Variants in MAMDC2 observed in about 807,000 individuals in gnomAD.
The protein encoded by MAMDC2 is MAM domain-containing protein 2.
Under a neutral mutation model 89.8 loss-of-function variants are expected in MAMDC2, and 57 were observed. The ratio of observed to expected loss-of-function variants is 0.63; its 90% CI spans 0.51 to 0.79. The LOEUF (loss-of-function observed/expected upper bound fraction) is 0.79, where lower values mean the gene tolerates loss of function less well. Ranked by LOEUF, MAMDC2 falls within the 30% of genes least tolerant of loss-of-function variation. MAMDC2 has a pLI of 0.00. For missense variants in MAMDC2, 800 were observed against 820.6 expected (o/e 0.97, Z 0.31); for synonymous variants, 313 against 293.4 (o/e 1.07, Z -0.68).
At chr9:70,179,863 T>C (rs2032598171) in intron 11 of MAMDC2, among the ~76,000 whole-genome samples, 1 of 114,214 alleles carries the variant, frequency 8.8e-6, no homozygotes, top group African/African-American at 3.1e-5. Flanking sequence ...GATAAATGGA[T>C]AAAATATTCC....
At chr9:70,067,752 T>C (rs1396268177) in intron 2 of MAMDC2, among the ~76,000 whole-genome samples, 1 of 152,188 alleles carries the variant, frequency 6.6e-6, no homozygotes, top group Non-Finnish European at 1.5e-5. Flanking sequence ...GAAAATCACA[T>C]TGTTTATGAG....
intron 2 of MAMDC2, among the ~76,000 whole-genome samples, chr9:70,056,685 A>C (rs557813476): frequency 2.0e-5 from 3 of 152,252 alleles, no homozygotes; most frequent in African/African-American, 7.2e-5. Flanking sequence ...CCCAACCCCC[A>C]GGCCACAGAT....
chr9:70,108,141 C>T (rs1486475151), intron 2 of MAMDC2, 70 bp from the exon 3 acceptor site: 5 of 1,407,626 alleles, frequency 3.6e-6, no homozygotes, highest in Non-Finnish European at 4.8e-6. Flanking sequence ...ATTTACTTAA[C>T]TGCAGTTACG....
intron 2 of MAMDC2, among the ~76,000 whole-genome samples, chr9:70,105,369 A>G (rs879283987): frequency 4.6e-5 from 7 of 152,166 alleles, no homozygotes; most frequent in Non-Finnish European, 7.3e-5. Flanking sequence ...TGGAAAACGT[A>G]GTGATTAATT....
At chr9:70,222,341 G>T (rs2033579792) in intron 12 of MAMDC2, among the ~76,000 whole-genome samples, 1 of 152,180 alleles carries the variant, frequency 6.6e-6, no homozygotes, top group Non-Finnish European at 1.5e-5. Flanking sequence ...CCAAATGGTT[G>T]TAAGTAAATA....
intron 8 of MAMDC2, among the ~76,000 whole-genome samples, chr9:70,142,716 G>A (rs1423830180): frequency 1.3e-5 from 2 of 152,154 alleles, no homozygotes; most frequent in Non-Finnish European, 2.9e-5. Context: ...GGCATAGAGA[G>A]CTCTGGCATG....
At chr9:70,091,021 A>T (rs1391363307) in intron 2 of MAMDC2, among the ~76,000 whole-genome samples, 2 of 149,520 alleles carry the variant, frequency 1.3e-5, no homozygotes, top group African/African-American at 4.9e-5. Context: ...CGCATATAGT[A>T]TGTTAACTGT....
intron 2 of MAMDC2, among the ~76,000 whole-genome samples, chr9:70,069,326 A>G (rs979498831): frequency 5.9e-5 from 9 of 152,234 alleles, no homozygotes; most frequent in African/African-American, 2.2e-4. Context: ...TATATTTATT[A>G]TAGCCACAGG....
intron 2 of MAMDC2, among the ~76,000 whole-genome samples, chr9:70,075,385 A>G (rs933931979): frequency 5.3e-5 from 8 of 152,186 alleles, no homozygotes; most frequent in Non-Finnish European, 7.3e-5. Flanking sequence ...TCGCTACAAT[A>G]TTTGTTTAAA....
rs73451417 is a variant in MAMDC2 at position 70,124,719 on chromosome 9, T to C, written c.644-1440T>C. ...GGTATTCTTTATTTCCTTATTTTAT[T>C]TTTTGGAGACAGGGTCTTGCTTATC... On this transcript the variant is annotated intron_variant, in intron 5 of 13. Transcript: ENST00000377182. 3.8e-3 allele frequency among the ~76,000 whole-genome samples: 572 copies of C among 152,308 alleles called. 5 individuals are homozygous for C. The highest frequency in any genetic ancestry group is 0.012 in the African/African-American group (488 of 41,564).
At chr9:70,121,106 C>A (rs566231992) in intron 5 of MAMDC2, among the ~76,000 whole-genome samples, 1 of 152,168 alleles carries the variant, frequency 6.6e-6, no homozygotes, top group Non-Finnish European at 1.5e-5. Flanking sequence ...TCTGGCACCG[C>A]GGCCAAGCCA....
At chr9:70,153,763 G>T (rs1023134542) in intron 9 of MAMDC2, 4 of 151,928 alleles carry the variant, frequency 2.6e-5, no homozygotes, top group African/African-American at 9.7e-5. Flanking sequence ...ATGTATTTGG[G>T]AGAAAGCCCC....
chr9:70,157,773 A>G (rs2031816185), intron 9 of MAMDC2: 1 of 152,636 alleles, frequency 6.6e-6, no homozygotes, highest in Non-Finnish European at 1.5e-5. Flanking sequence ...CAGAGGGGGA[A>G]AAAAAGGTTG....
At chr9:70,080,745 A>C (rs117468404) in intron 2 of MAMDC2, among the ~76,000 whole-genome samples, 1 of 152,208 alleles carries the variant, frequency 6.6e-6, no homozygotes, top group Non-Finnish European at 1.5e-5. Context: ...GTGCAAACTG[A>C]ACATCGAGGA....
chr9:70,160,000 C>A (rs1051744765), intron 9 of MAMDC2, among the ~76,000 whole-genome samples: 1 of 151,980 alleles, frequency 6.6e-6, no homozygotes, highest in African/African-American at 2.4e-5. Context: ...TCACTTGAGG[C>A]CAGGAGATCA....
At chr9:70,212,401 C>A (rs1341449073) in intron 11 of MAMDC2, among the ~76,000 whole-genome samples, 1 of 152,236 alleles carries the variant, frequency 6.6e-6, no homozygotes, top group Non-Finnish European at 1.5e-5. Context: ...GTGAGCGAGG[C>A]TCTGTGGGTT....
chr9:70,215,330 C>T (rs79061137), intron 11 of MAMDC2, among the ~76,000 whole-genome samples: 1 of 152,216 alleles, frequency 6.6e-6, no homozygotes, highest in East Asian at 1.9e-4. Flanking sequence ...CTGGTGAGCA[C>T]TGCAGAACAC....
At chr9:70,207,966 G>C (rs901057290) in intron 11 of MAMDC2, among the ~76,000 whole-genome samples, 2 of 151,998 alleles carry the variant, frequency 1.3e-5, no homozygotes, top group African/African-American at 2.4e-5. Flanking sequence ...ATTTCTGAGG[G>C]CTCTGTTCTG....
intron 11 of MAMDC2, among the ~76,000 whole-genome samples, chr9:70,213,514 A>G (rs1396442518): frequency 6.6e-6 from 1 of 152,172 alleles, no homozygotes; most frequent in East Asian, 1.9e-4. Context: ...TCCTTTGTAC[A>G]TAGTTAGGTG....
Sources: allele counts gnomAD v4.1 joint callset (sites outside exome capture counted in the v4.1 genomes callset), GRCh38; gene constraint gnomAD v4.1.1; transcripts MANE v1.5; gene names NCBI Gene and HGNC (gene_info 2026-07-23, HGNC 2026-07-21).